SETD2: variants seen among roughly 807,000 people sequenced by gnomAD.
The protein encoded by SETD2 is histone-lysine N-methyltransferase SETD2.
Under a neutral mutation model 242.1 loss-of-function variants are expected in SETD2, and 31 were observed. That is an observed-to-expected ratio of 0.13 (90% CI 0.10 to 0.17). The LOEUF is 0.17. Ranked by LOEUF, SETD2 falls within the 10% of genes least tolerant of loss-of-function variation. The pLI is 1.00. For synonymous variants in SETD2, 1,006 were observed against 1,066.5 expected (o/e 0.94, Z 1.11); for missense variants, 2,481 against 3,046.3 (o/e 0.81, Z 4.37).
At chr3:47,058,490 A>G (rs2040186095) in intron 14 of SETD2, among the ~76,000 whole-genome samples, 1 of 150,860 alleles carries the variant, frequency 6.6e-6, no homozygotes, top group South Asian at 2.1e-4. Context: ...TATTCACATA[A>G]GACTTGTACA....
intron 9 of SETD2, among the ~76,000 whole-genome samples, chr3:47,096,409 TAA>T (rs1005876225): frequency 2.0e-5 from 3 of 152,066 alleles, no homozygotes; most frequent in African/African-American, 7.2e-5. Context: ...ATATGCTATC[TAA>T]AAAGAGGGCT....
chr3:47,056,008 G>A (rs373860963), intron 15 of SETD2, among the ~76,000 whole-genome samples: 2,955 of 26,772 alleles, frequency 0.11, 76 homozygotes, highest in Middle Eastern at 0.25. Context: ...GCGAGACTCC[G>A]TCTCAAAAAA....
At chr3:47,096,478 G>A (rs561072877) in intron 9 of SETD2, among the ~76,000 whole-genome samples, 19 of 151,774 alleles carry the variant, frequency 1.3e-4, no homozygotes, top group African/African-American at 2.9e-4. Context: ...AGGCCAAGGC[G>A]AGAGGATCAC....
At chr3:47,117,916 A>G (rs561696953) in intron 3 of SETD2, among the ~76,000 whole-genome samples, 1 of 152,344 alleles carries the variant, frequency 6.6e-6, no homozygotes, top group East Asian at 1.9e-4. Context: ...ATGGTCAAAA[A>G]AGATCTGTTA....
Position 47,123,558 on chromosome 3 carries a change from T to C in SETD2, c.1078A>G (p.Ser360Gly), listed in dbSNP as rs2106706719. 1 of 1,550,560 alleles carries C rather than the reference T, an allele frequency of 6.4e-7. No homozygotes were observed. Among genetic ancestry groups the C allele is most frequent in the Non-Finnish European group, 8.7e-7 (1 of 1,146,960 alleles). Residue 360 changes from serine to glycine, a missense_variant, in exon 3 of 21, where the codon AGT (serine) becomes GGT (glycine). Ser to Gly is a moderately conservative substitution (Grantham distance 56, BLOSUM62 0). Coordinates refer to ENST00000409792, the MANE Select transcript of SETD2 (RefSeq NM_014159.7). ...CGTGAAGGTTTCCCTAGATCCTCAC[T>C]TTTTAAAGGTGCTGAGCTCTTTTTA... The part of the protein sequence containing the change: ...DFKKSSAPLK[S>G]EDLGKPSRSK...
At chr3:47,151,751 C>T (rs555832158) in intron 1 of SETD2, among the ~76,000 whole-genome samples, 1 of 151,030 alleles carries the variant, frequency 6.6e-6, no homozygotes, top group South Asian at 2.1e-4. Context: ...TACTTGAACC[C>T]GGGAAGCGGA....
At chr3:47,146,629 A>AC (rs2043862240) in intron 1 of SETD2, among the ~76,000 whole-genome samples, 1 of 151,388 alleles carries the variant, frequency 6.6e-6, no homozygotes, top group South Asian at 2.1e-4. Flanking sequence ...TCCGTCTAAA[A>AC]AAAAAAAAAA....
chr3:47,033,747 C>T (rs1012741846), intron 18 of SETD2, among the ~76,000 whole-genome samples: 5 of 151,128 alleles, frequency 3.3e-5, no homozygotes, highest in African/African-American at 9.7e-5. Context: ...CTGCAACCCC[C>T]GTCTCCCGGG....
intron 10 of SETD2, among the ~76,000 whole-genome samples, chr3:47,086,588 T>C (rs2041568658): frequency 6.6e-6 from 1 of 152,236 alleles, no homozygotes; most frequent in Admixed American, 6.5e-5. Context: ...AGGTCATTTA[T>C]AATGAAAATT....
intron 10 of SETD2, 51 bp downstream of exon 10, chr3:47,088,062 T>C (rs775213491): frequency 6.4e-7 from 1 of 1,553,860 alleles, no homozygotes; most frequent in Non-Finnish European, 8.7e-7. Context: ...TCTTCATTCA[T>C]TCATTCCCAC....
intron 1 of SETD2, among the ~76,000 whole-genome samples, chr3:47,149,430 T>C (rs2106819081): frequency 6.6e-6 from 1 of 151,834 alleles, no homozygotes; most frequent in South Asian, 2.1e-4. Flanking sequence ...TGAGGAATTA[T>C]TAGATATAGT....
Position 47,122,879 on chromosome 3 carries a change from T to C in SETD2, c.1757A>G (p.His586Arg), listed in dbSNP as rs1386257292. ...ACAAGGTGTCTGTAAACTAAAAGAA[T>C]GAGACTGTTTGATTTCTTCATTTAA... Reference protein sequence around the residue: ...TELNEEIKQSHSFSLQTPCSK... With the variant: ...TELNEEIKQSRSFSLQTPCSK... Residue 586 changes from histidine to arginine, a missense_variant, in exon 3 of 21, where the codon CAT becomes CGT. Transcript: ENST00000409792. 2.5e-6 allele frequency: 4 copies of C among 1,610,242 alleles called. No individual in the cohort carries two copies. The highest frequency in any genetic ancestry group is 1.7e-5 in the Admixed American group (1 of 59,260).
intron 1 of SETD2, among the ~76,000 whole-genome samples, chr3:47,141,010 T>C (rs1174764232): frequency 1.3e-5 from 2 of 152,138 alleles, no homozygotes; most frequent in Admixed American, 1.3e-4. Flanking sequence ...ATATTGTTTT[T>C]TTGTGAGACA....
intron 5 of SETD2, among the ~76,000 whole-genome samples, chr3:47,109,985 C>CAAAAAAAA (rs1167745997): frequency 1.7e-5 from 1 of 60,520 alleles, no homozygotes. Context: ...GACTCCATCT[C>CAAAAAAAA]AAAAAAAAAA....
At chr3:47,069,439 A>G (rs1017536989) in intron 12 of SETD2, among the ~76,000 whole-genome samples, 2 of 152,212 alleles carry the variant, frequency 1.3e-5, no homozygotes, top group Admixed American at 1.3e-4. Context: ...GCGTTCATGG[A>G]AATACCACCC....
chr3:47,047,850 G>C (rs1433999064), intron 15 of SETD2, among the ~76,000 whole-genome samples: 1 of 152,144 alleles, frequency 6.6e-6, no homozygotes, highest in African/African-American at 2.4e-5. Flanking sequence ...GCATTGTTAG[G>C]AGATTTCATT....
At chr3:47,067,217 TA>T in intron 12 of SETD2, 99 bp from the exon 13 acceptor site, 8 of 899,930 alleles carry the variant, frequency 8.9e-6, no homozygotes, top group Non-Finnish European at 1.5e-5. Context: ...AAATGGAAAG[TA>T]ACAAGCTGGT....
intron 1 of SETD2, among the ~76,000 whole-genome samples, chr3:47,131,652 C>T (rs2043479039): frequency 1.3e-5 from 2 of 150,628 alleles, no homozygotes; most frequent in African/African-American, 2.4e-5. Context: ...AATTAATTTT[C>T]TTTATTTGAA....
At chr3:47,107,467 A>G (rs1036976813) in intron 5 of SETD2, among the ~76,000 whole-genome samples, 1 of 152,146 alleles carries the variant, frequency 6.6e-6, no homozygotes, top group Non-Finnish European at 1.5e-5. Flanking sequence ...GGATGTATAT[A>G]TATATTTATA....
Sources: gnomAD v4.1 joint callset for allele counts (sites outside exome capture counted in the v4.1 genomes callset) on GRCh38, gnomAD v4.1.1 for gene constraint, MANE v1.5 for transcripts, NCBI Gene and HGNC (gene_info 2026-07-23, HGNC 2026-07-21) for gene names.